The following NDUFAF6 variants were observed in gnomAD, a reference collection of about 807,000 sequenced individuals.
The protein encoded by NDUFAF6 is NADH dehydrogenase (ubiquinone) complex I, assembly factor 6.
NDUFAF6 carries 45 observed loss-of-function variants against 40.8 expected under a neutral mutation model. The ratio of observed to expected loss-of-function variants is 1.10; its 90% CI spans 0.87 to 1.42. The LOEUF (loss-of-function observed/expected upper bound fraction) is 1.42, where lower values mean the gene tolerates loss of function less well. NDUFAF6 is among the 40% of genes most tolerant of loss of function. NDUFAF6 has a pLI of 0.00. For missense variants in NDUFAF6, 435 were observed against 418.5 expected (o/e 1.04, Z -0.34); for synonymous variants, 185 against 155.9 (o/e 1.19, Z -1.39).
chr8:94,934,671 C>T (rs1197096407), intron 1 of NDUFAF6, among the ~76,000 whole-genome samples: 2 of 152,094 alleles, frequency 1.3e-5, no homozygotes, highest in Non-Finnish European at 2.9e-5. Flanking sequence ...TAAGCCACTG[C>T]ACCTGGCCTA....
intron 1 of NDUFAF6, among the ~76,000 whole-genome samples, chr8:94,919,765 A>T (rs145123559): frequency 2.0e-5 from 3 of 152,312 alleles, no homozygotes; most frequent in African/African-American, 7.2e-5. Flanking sequence ...GAGAGCCCTG[A>T]TGTTCTCAAT....
At chr8:95,086,381 T>A (rs1809042807) in intron 2 of NDUFAF6, among the ~76,000 whole-genome samples, 1 of 152,218 alleles carries the variant, frequency 6.6e-6, no homozygotes, top group South Asian at 2.1e-4. Flanking sequence ...CCAGATGCAC[T>A]TTGCTATTTT....
At chr8:94,899,671 C>G (rs1159947936) in intron 1 of NDUFAF6, among the ~76,000 whole-genome samples, 1 of 152,222 alleles carries the variant, frequency 6.6e-6, no homozygotes, top group East Asian at 1.9e-4. Flanking sequence ...CTCTTCTGTT[C>G]CCAAGTCATT....
At chr8:94,971,909 G>C (rs1472726847) in intron 1 of NDUFAF6, among the ~76,000 whole-genome samples, 1 of 151,672 alleles carries the variant, frequency 6.6e-6, no homozygotes, top group East Asian at 1.9e-4. Context: ...TTGCACTCCA[G>C]CCTGGGCAAC....
intron 2 of NDUFAF6, among the ~76,000 whole-genome samples, chr8:94,990,676 C>T (rs532023771): frequency 6.6e-6 from 1 of 152,302 alleles, no homozygotes; most frequent in South Asian, 2.1e-4. Context: ...GCATTCAAGG[C>T]TGGAAATTTC....
chr8:95,003,803 A>G (rs1210551822), intron 2 of NDUFAF6, among the ~76,000 whole-genome samples: 1 of 152,214 alleles, frequency 6.6e-6, no homozygotes, highest in Non-Finnish European at 1.5e-5. Context: ...GGTAAAATAC[A>G]TAGAACATAA....
chr8:95,098,976 C>CA (rs1554691584), upstream of NDUFAF6, among the ~76,000 whole-genome samples: 1 of 151,804 alleles, frequency 6.6e-6, no homozygotes, highest in Non-Finnish European at 1.5e-5. Flanking sequence ...TGTGGTGGCT[C>CA]ACGCCTGTAA....
intron 1 of NDUFAF6, among the ~76,000 whole-genome samples, chr8:95,029,557 A>G (rs776302108): frequency 2.0e-5 from 3 of 152,314 alleles, no homozygotes. Context: ...GCCCCATTCA[A>G]ATTTTGCTGA....
downstream of NDUFAF6, among the ~76,000 whole-genome samples, chr8:95,108,266 T>C (rs564591315): frequency 6.6e-6 from 1 of 152,330 alleles, no homozygotes; most frequent in African/African-American, 2.4e-5. Context: ...ACACCCATGT[T>C]CATAGCAGCA....
intron 1 of NDUFAF6, chr8:94,925,913 AG>A (rs1819850115): frequency 1.3e-5 from 2 of 152,674 alleles, no homozygotes; most frequent in South Asian, 4.1e-4. Flanking sequence ...AAAACTAAAC[AG>A]TAAGTTGTAC....
At chr8:94,926,555 C>G (rs975248597) in intron 1 of NDUFAF6, 3 of 152,120 alleles carry the variant, frequency 2.0e-5, no homozygotes, top group African/African-American at 7.2e-5. Context: ...CAGAGGTCCA[C>G]CTAGAAAACA....
chr8:94,986,642 C>T (rs77878227), intron 2 of NDUFAF6, among the ~76,000 whole-genome samples: 4,026 of 152,198 alleles, frequency 0.026, 64 homozygotes, highest in South Asian at 0.039. Flanking sequence ...ATGGGGTTTT[C>T]GGTTTTCTGC....
rs564236582 is a variant in NDUFAF6, at chr8:94,998,366, C to T, written c.-84+17393C>T. Among the ~76,000 whole-genome samples the T allele has an allele frequency of 3.3e-5, 5 of 149,776 alleles. No individual in the cohort carries two copies. The East Asian group carries it at 9.8e-4, about 29-fold the overall frequency. ...TCCTTTGTATTCTTCTAAAGTTATT[C>T]TCTGCAATCAAATACACACACACAC... On this transcript the variant is annotated intron_variant, in intron 2 of 9. Transcript: ENST00000396111.
upstream of NDUFAF6, among the ~76,000 whole-genome samples, chr8:95,098,852 G>A (rs1334894841): frequency 6.6e-6 from 1 of 151,774 alleles, no homozygotes; most frequent in Middle Eastern, 3.2e-3. Flanking sequence ...AACCCAGGAG[G>A]TGGAGGTTGC....
intron 1 of NDUFAF6, among the ~76,000 whole-genome samples, chr8:94,977,446 C>A (rs1825055220): frequency 1.3e-5 from 2 of 151,202 alleles, no homozygotes; most frequent in South Asian, 4.2e-4. Flanking sequence ...TCACTTGAGC[C>A]TGGGACATTG....
intron 1 of NDUFAF6, among the ~76,000 whole-genome samples, chr8:94,901,232 G>A (rs1036103367): frequency 1.2e-4 from 19 of 152,256 alleles, no homozygotes; most frequent in African/African-American, 4.6e-4. Context: ...GGGAGTGATG[G>A]GAAGGAGATG....
intron 1 of NDUFAF6, among the ~76,000 whole-genome samples, chr8:94,935,234 A>G (rs1320847500): frequency 6.6e-6 from 1 of 152,214 alleles, no homozygotes; most frequent in Non-Finnish European, 1.5e-5. Context: ...CAATAGGGAT[A>G]TTCTGAACTG....
At chr8:94,981,031 C>G (rs924349414) in intron 2 of NDUFAF6, 2 of 454,614 alleles carry the variant, frequency 4.4e-6, no homozygotes, top group Admixed American at 4.7e-5. Context: ...CTCTTTCCCC[C>G]ACCCCAGTAT....
chr8:95,091,836 TC>T (rs1174715596), intron 2 of NDUFAF6, among the ~76,000 whole-genome samples: 1 of 145,816 alleles, frequency 6.9e-6, no homozygotes, highest in Non-Finnish European at 1.5e-5. Flanking sequence ...GACAGGGATC[TC>T]GTATGTTGCC....
Sources: allele counts gnomAD v4.1 joint callset (sites outside exome capture counted in the v4.1 genomes callset), GRCh38; gene constraint gnomAD v4.1.1; transcripts MANE v1.5; gene names NCBI Gene and HGNC (gene_info 2026-07-23, HGNC 2026-07-21).